Variants in P4HA1 observed in about 807,000 individuals in gnomAD.
The protein encoded by P4HA1 is prolyl 4-hydroxylase subunit alpha 1.
In P4HA1, 24 loss-of-function variants were observed where a neutral mutation model predicts 72.8. The observed-to-expected ratio is 0.33, with a 90% CI of 0.24 to 0.46. The LOEUF is 0.46. P4HA1 is among the 20% of genes least tolerant of loss of function. The pLI is 1.00. For missense variants in P4HA1, 446 were observed against 640.6 expected (o/e 0.70, Z 3.28); for synonymous variants, 201 against 218.8 (o/e 0.92, Z 0.72).
chr10:73,067,144 C>G (rs1037017093), intron 5 of P4HA1, among the ~76,000 whole-genome samples: 1 of 152,188 alleles, frequency 6.6e-6, no homozygotes, highest in Admixed American at 6.5e-5. Flanking sequence ...GCTGGGATTA[C>G]AGGCATGAGC....
At chr10:73,022,501 C>T (rs1325570031) in intron 10 of P4HA1, among the ~76,000 whole-genome samples, 2 of 152,148 alleles carry the variant, frequency 1.3e-5, no homozygotes, top group Admixed American at 6.5e-5. Flanking sequence ...TCACCAACAT[C>T]GAAGGCCAAA....
chr10:73,022,485 T>C (rs940300558), intron 10 of P4HA1, among the ~76,000 whole-genome samples: 1 of 152,194 alleles, frequency 6.6e-6, no homozygotes, highest in Non-Finnish European at 1.5e-5. Context: ...AAACCCCATC[T>C]GTAGGTCACC....
chr10:73,036,599 T>C (rs539052972), intron 9 of P4HA1, among the ~76,000 whole-genome samples: 3 of 152,234 alleles, frequency 2.0e-5, no homozygotes, highest in Non-Finnish European at 2.9e-5. Flanking sequence ...GGTTTCACCA[T>C]GTTGCCCAGG....
intron 1 of P4HA1, among the ~76,000 whole-genome samples, chr10:73,085,509 G>A (rs1284055741): frequency 2.0e-5 from 3 of 151,702 alleles, no homozygotes; most frequent in Non-Finnish European, 2.9e-5. Context: ...TCAGCCTCCC[G>A]AGTAGCTGGG....
intron 10 of P4HA1, among the ~76,000 whole-genome samples, chr10:73,027,127 T>C (rs1437675913): frequency 6.6e-6 from 1 of 152,186 alleles, no homozygotes; most frequent in African/African-American, 2.4e-5. Context: ...TAAATCATGC[T>C]ACTATAAAGA....
At chr10:73,062,458 A>G (rs769828098) in intron 5 of P4HA1, among the ~76,000 whole-genome samples, 2 of 152,144 alleles carry the variant, frequency 1.3e-5, no homozygotes, top group Non-Finnish European at 1.5e-5. Context: ...CTCTCAGAAT[A>G]TACAGTTCTG....
At chr10:73,017,282 C>T (rs7912848) in intron 10 of P4HA1, among the ~76,000 whole-genome samples, 3,911 of 143,300 alleles carry the variant, frequency 0.027, 532 homozygotes, top group African/African-American at 0.11. Context: ...TATCTCTATA[C>T]AGATCTACAT....
chr10:73,008,302 A>T lies in P4HA1; in HGVS notation c.1535-10T>A, dbSNP rs774785943. The T allele has an allele frequency of 1.3e-6, 2 of 1,521,232 alleles. No individual in the cohort carries two copies. The highest frequency in any genetic ancestry group is 1.7e-5 in the Admixed American group (1 of 59,866). The allele number at this position is 1,521,232 out of a possible 1,614,324, so 94.2% of individuals were successfully genotyped here. Reference sequence around the variant, plus strand: ...AGCCATTTATTGGATACTGTGAGAGAAAAGTAATATATTAATTTTCCCCCT... The same window carrying T: ...AGCCATTTATTGGATACTGTGAGAGTAAAGTAATATATTAATTTTCCCCCT... On this transcript the variant is annotated splice_polypyrimidine_tract_variant and intron_variant, in intron 14 of 14. Coordinates refer to ENST00000394890, the MANE Select transcript of P4HA1 (RefSeq NM_001017962.3).
intron 5 of P4HA1, among the ~76,000 whole-genome samples, chr10:73,060,527 C>T (rs1243034726): frequency 6.6e-6 from 1 of 151,992 alleles, no homozygotes; most frequent in African/African-American, 2.4e-5. Context: ...GCACCATGAT[C>T]GCATCTGTGA....
intron 5 of P4HA1, among the ~76,000 whole-genome samples, chr10:73,063,313 T>C (rs1232828436): frequency 2.6e-5 from 4 of 152,326 alleles, no homozygotes; most frequent in Admixed American, 2.0e-4. Context: ...AAGAATGCTA[T>C]GTCCTCACAT....
At chr10:73,014,519 TGCCTTA>T (rs369661547) in intron 11 of P4HA1, among the ~76,000 whole-genome samples, 35 of 152,258 alleles carry the variant, frequency 2.3e-4, no homozygotes, top group African/African-American at 7.9e-4. Context: ...GCGATCCTCC[TGCCTTA>T]GCCTCCCAAA....
chr10:73,070,568 CT>C (rs150086831), intron 4 of P4HA1, among the ~76,000 whole-genome samples: 7,132 of 152,122 alleles, frequency 0.047, 520 homozygotes, highest in African/African-American at 0.16. Flanking sequence ...AGTGCAGTGG[CT>C]TTTTACCAGT....
chr10:73,008,431 T>C (rs1430498753), intron 14 of P4HA1, 139 bp from the exon 15 acceptor site: 1 of 602,052 alleles, frequency 1.7e-6, no homozygotes, highest in African/African-American at 1.9e-5. Context: ...CAGATGCTAC[T>C]TAAAAACTTG....
chr10:73,096,111 AC>A (rs999655783), intron 1 of P4HA1, among the ~76,000 whole-genome samples: 1 of 152,206 alleles, frequency 6.6e-6, no homozygotes, highest in African/African-American at 2.4e-5. Context: ...CGACGAGGTG[AC>A]CTGAGAGCCT....
At chr10:73,042,210 G>T (rs1404107740) in intron 9 of P4HA1, among the ~76,000 whole-genome samples, 1 of 152,086 alleles carries the variant, frequency 6.6e-6, no homozygotes, top group Non-Finnish European at 1.5e-5. Context: ...CTCTCTTACT[G>T]GGGCAAAAGG....
At chr10:73,040,607 C>T (rs1840708952) in intron 9 of P4HA1, among the ~76,000 whole-genome samples, 1 of 151,672 alleles carries the variant, frequency 6.6e-6, no homozygotes, top group South Asian at 2.1e-4. Context: ...TCCCGAGTAG[C>T]TGGGATTACA....
chr10:73,075,741 TA>T (rs1461823601), intron 1 of P4HA1, among the ~76,000 whole-genome samples: 17 of 145,820 alleles, frequency 1.2e-4, no homozygotes, highest in Admixed American at 4.0e-4. Context: ...TATATATATA[TA>T]GTGTGTGTGT....
At chr10:73,075,916 A>G (rs1222504029) in intron 1 of P4HA1, among the ~76,000 whole-genome samples, 2 of 151,998 alleles carry the variant, frequency 1.3e-5, no homozygotes, top group African/African-American at 2.4e-5. Context: ...AATTCAATCA[A>G]AAGTTGTAGA....
chr10:73,055,858 A>C (rs1841134158), intron 5 of P4HA1, among the ~76,000 whole-genome samples: 1 of 152,202 alleles, frequency 6.6e-6, no homozygotes, highest in African/African-American at 2.4e-5. Context: ...TTAATCCTCA[A>C]AGCCATCTTA....
Sources: allele counts gnomAD v4.1 joint callset (sites outside exome capture counted in the v4.1 genomes callset), GRCh38; gene constraint gnomAD v4.1.1; transcripts MANE v1.5; gene names NCBI Gene and HGNC (gene_info 2026-07-23, HGNC 2026-07-21).